Variants in NRCAM observed in about 807,000 individuals in gnomAD.
NRCAM encodes neuronal cell adhesion molecule.
Under a neutral mutation model 156.5 loss-of-function variants are expected in NRCAM, and 83 were observed. That is an observed-to-expected ratio of 0.53 (90% confidence interval 0.44 to 0.64). The LOEUF (loss-of-function observed/expected upper bound fraction) is 0.64, where lower values mean the gene tolerates loss of function less well. Ranked by LOEUF, NRCAM falls within the 30% of genes least tolerant of loss-of-function variation. The pLI, the probability that NRCAM is intolerant of heterozygous loss-of-function variation, is 0.00. For missense variants in NRCAM, 1,417 were observed against 1,597.3 expected, an observed-to-expected ratio of 0.89 and a Z score of 1.92; for synonymous variants, 538 against 563.9, an observed-to-expected ratio of 0.95 and a Z score of 0.65.
intron 2 of NRCAM, among the ~76,000 whole-genome samples, chr7:108,316,698 T>C (rs1161797924): frequency 6.7e-6 from 1 of 150,136 alleles, no homozygotes; most frequent in Non-Finnish European, 1.5e-5. Context: ...GGCAGAACAA[T>C]CAATGGTGTG....
intron 2 of NRCAM, among the ~76,000 whole-genome samples, chr7:108,390,981 C>T (rs2099757853): frequency 1.3e-5 from 2 of 152,172 alleles, no homozygotes; most frequent in Admixed American, 1.3e-4. Flanking sequence ...CTAAGGAGTG[C>T]TTTACTTCCA....
intron 11 of NRCAM, among the ~76,000 whole-genome samples, chr7:108,219,288 T>G (rs1415684601): frequency 6.6e-6 from 1 of 152,106 alleles, no homozygotes; most frequent in Non-Finnish European, 1.5e-5. Context: ...CAAAGAAGAA[T>G]TGGTACCAAT....
intron 2 of NRCAM, among the ~76,000 whole-genome samples, chr7:108,347,495 C>T (rs1594554934): frequency 6.6e-6 from 1 of 152,102 alleles, no homozygotes; most frequent in East Asian, 1.9e-4. Context: ...TCCAATCCCT[C>T]AAAAGCAGAG....
chr7:108,204,965 G>A (rs536756235), intron 13 of NRCAM, among the ~76,000 whole-genome samples: 1 of 152,286 alleles, frequency 6.6e-6, no homozygotes, highest in East Asian at 1.9e-4. Flanking sequence ...TAAAAGGGGA[G>A]TGTTATTATG....
chr7:108,323,629 A>T (rs2099028860), intron 2 of NRCAM, among the ~76,000 whole-genome samples: 1 of 152,216 alleles, frequency 6.6e-6, no homozygotes, highest in Non-Finnish European at 1.5e-5. Flanking sequence ...TATGTACCAG[A>T]CACTGTCCCA....
At chr7:108,330,681 G>A (rs55836167) in intron 2 of NRCAM, among the ~76,000 whole-genome samples, 5 of 152,188 alleles carry the variant, frequency 3.3e-5, no homozygotes, top group Non-Finnish European at 7.3e-5. Flanking sequence ...TGGCCATGCA[G>A]AAGGGGGCCC....
At chr7:108,278,549 G>A (rs1382950950) in intron 3 of NRCAM, among the ~76,000 whole-genome samples, 6 of 152,180 alleles carry the variant, frequency 3.9e-5, no homozygotes, top group African/African-American at 9.7e-5. Flanking sequence ...CTCCGTGGGC[G>A]TGGGACCTGC....
chr7:108,392,715 C>G (rs927746844), intron 2 of NRCAM, among the ~76,000 whole-genome samples: 3 of 152,180 alleles, frequency 2.0e-5, no homozygotes, highest in Non-Finnish European at 4.4e-5. Context: ...TACCTTTGGT[C>G]TTTGATGATG....
At chr7:108,301,023 T>C (rs1375212054) in intron 3 of NRCAM, among the ~76,000 whole-genome samples, 1 of 152,166 alleles carries the variant, frequency 6.6e-6, no homozygotes, top group Non-Finnish European at 1.5e-5. Context: ...CTCTATATTC[T>C]ATAAATAGAA....
chr7:108,276,390 G>T (rs1234173847), intron 3 of NRCAM, among the ~76,000 whole-genome samples: 1 of 152,152 alleles, frequency 6.6e-6, no homozygotes, highest in African/African-American at 2.4e-5. Context: ...AGGTCTTTAA[G>T]AACTTGCTTT....
chr7:108,259,703 T>C (rs1363141793), intron 3 of NRCAM, among the ~76,000 whole-genome samples: 1 of 152,172 alleles, frequency 6.6e-6, no homozygotes, highest in Admixed American at 6.5e-5. Context: ...GGGACATGGA[T>C]GGAGCTGGAA....
At chr7:108,283,423 C>T (rs1489859059) in intron 3 of NRCAM, among the ~76,000 whole-genome samples, 1 of 152,088 alleles carries the variant, frequency 6.6e-6, no homozygotes, top group Non-Finnish European at 1.5e-5. Context: ...GAGATGAATG[C>T]CAGATTAGTC....
At chr7:108,330,846 ATT>A (rs1421551510) in intron 2 of NRCAM, among the ~76,000 whole-genome samples, 3 of 152,174 alleles carry the variant, frequency 2.0e-5, no homozygotes, top group Non-Finnish European at 4.4e-5. Flanking sequence ...AGGCAGTTCC[ATT>A]TTGGGGGCCA....
chr7:108,304,456 G>A (rs1223477718), intron 3 of NRCAM, among the ~76,000 whole-genome samples: 1 of 151,374 alleles, frequency 6.6e-6, no homozygotes, highest in African/African-American at 2.4e-5. Context: ...ATCTGAATGA[G>A]TGTGATTCCC....
chr7:108,223,669 C>T lies in NRCAM; in HGVS notation c.890+56G>A, dbSNP rs146149920. ...CTATGATATTATTAACCTCTCTCTA[C>T]CAACCTACTATATTTTTATAAGAAA... On this transcript the variant is annotated intron_variant, in intron 11 of 32. Transcript: ENST00000379028. 129 of 882,372 alleles carry T rather than the reference C, an allele frequency of 1.5e-4. No homozygotes were observed. In the African/African-American group the frequency reaches 1.5e-3, roughly 10 times the overall value. The allele number at this position is 882,372 out of a possible 1,614,324, so 54.7% of individuals were successfully genotyped here.
chr7:108,240,079 C>T lies in NRCAM; in HGVS notation c.-15G>A. The T allele has an allele frequency of 6.4e-7, 1 of 1,553,830 alleles. No individual in the cohort carries two copies. The highest frequency in any genetic ancestry group is 8.9e-7 in the Non-Finnish European group (1 of 1,126,578). On this transcript the variant is annotated 5_prime_UTR_variant, in exon 4 of 33. Coordinates refer to ENST00000379028, the MANE Select transcript of NRCAM (RefSeq NM_001037132.4). ...TTAAGCTGCATTAGCTTAACTCCTG[C>T]TGAGACTCACACACTGAATTTCCTT...
chr7:108,212,798 G>T (rs1033580940), intron 11 of NRCAM, among the ~76,000 whole-genome samples: 1 of 152,116 alleles, frequency 6.6e-6, no homozygotes, highest in African/African-American at 2.4e-5. Flanking sequence ...AGGAATAAGA[G>T]AAATCTAAAA....
chr7:108,335,461 A>ATTTTTTTTTTTTTTTTTTTTTT (rs2099173387), intron 2 of NRCAM, among the ~76,000 whole-genome samples: 1 of 25,548 alleles, frequency 3.9e-5, no homozygotes, highest in Non-Finnish European at 8.0e-5. Context: ...TTTTTTTTTC[A>ATTTTTTTTTTTTTTTTTTTTTT]GTTTTCACTG....
At chr7:108,345,126 A>G (rs1219471957) in intron 2 of NRCAM, among the ~76,000 whole-genome samples, 2 of 152,234 alleles carry the variant, frequency 1.3e-5, no homozygotes, top group Non-Finnish European at 2.9e-5. Flanking sequence ...GAATTCAAAT[A>G]GGAAAATTGA....
Sources: gnomAD v4.1 joint callset for allele counts (sites outside exome capture counted in the v4.1 genomes callset) on GRCh38, gnomAD v4.1.1 for gene constraint, MANE v1.5 for transcripts, NCBI Gene and HGNC (gene_info 2026-07-23, HGNC 2026-07-21) for gene names.